NFIB: variants seen among roughly 807,000 people sequenced by gnomAD.
NFIB encodes nuclear factor I B.
A neutral mutation model predicts 61.5 loss-of-function variants in NFIB; 11 were observed. The ratio of observed to expected loss-of-function variants is 0.18; its 90% CI spans 0.11 to 0.30. NFIB has a LOEUF of 0.30. Among genes scored for constraint, NFIB ranks in the 10% least tolerant of loss-of-function variants. NFIB has a pLI of 1.00. For missense variants in NFIB, 471 were observed against 608.9 expected, an observed-to-expected ratio of 0.77 and a Z score of 2.38; for synonymous variants, 260 against 216.5, an observed-to-expected ratio of 1.20 and a Z score of -1.76.
chr9:14,529,859 G>A, the NFIB span, among the ~76,000 whole-genome samples: 10 of 151,998 alleles, frequency 6.6e-5, no homozygotes, highest in African/African-American at 2.2e-4. Flanking sequence ...GTACACACTC[G>A]GCATCTTCTC....
At chr9:14,341,572 G>A (rs1015312748) in intron 1 of NFIB, among the ~76,000 whole-genome samples, 1 of 152,172 alleles carries the variant, frequency 6.6e-6, no homozygotes, top group Non-Finnish European at 1.5e-5. Context: ...TGTCAGTGCC[G>A]CTCACTGGTT....
In NFIB at chr9:14,087,103, C is replaced by T. The variant is rs2032974396; in HGVS notation, c.*1206G>A. The T allele has an allele frequency of 4.9e-6, 1 of 202,776 alleles. No homozygotes were observed. Among genetic ancestry groups the T allele is most frequent in the Admixed American group, 6.0e-5 (1 of 16,668 alleles). The allele number at this position is 202,776 out of a possible 1,614,324, so 12.6% of individuals were successfully genotyped here. A position where few individuals can be genotyped will look rare whatever the true frequency, so the allele number is the denominator to read the frequency against. ...GCTTTACCCTTGTGACATGGATTTG[C>T]CTGCCTCTTTGTCTCTATAATGCAG... is the stretch of plus-strand genomic sequence containing the variant. On this transcript the variant is annotated 3_prime_UTR_variant, in exon 11 of 11. Coordinates refer to ENST00000380953, the MANE Select transcript of NFIB (RefSeq NM_001190737.2).
the NFIB span, among the ~76,000 whole-genome samples, chr9:14,413,252 T>C: frequency 6.6e-6 from 1 of 152,118 alleles, no homozygotes; most frequent in Non-Finnish European, 1.5e-5. Flanking sequence ...GCTTAAAAAA[T>C]GCACCATTTT....
intron 2 of NFIB, among the ~76,000 whole-genome samples, chr9:14,248,699 C>G (rs923073754): frequency 3.3e-5 from 5 of 152,164 alleles, no homozygotes; most frequent in African/African-American, 2.4e-5. Context: ...AGGCAGGAGA[C>G]TTAAGCATAG....
chr9:14,221,145 T>C (rs1431997327), intron 2 of NFIB, among the ~76,000 whole-genome samples: 1 of 152,068 alleles, frequency 6.6e-6, no homozygotes, highest in East Asian at 1.9e-4. Flanking sequence ...AAATTCAACA[T>C]CCTCTCCCTT....
the NFIB span, among the ~76,000 whole-genome samples, chr9:14,410,128 C>T: frequency 6.7e-6 from 1 of 148,230 alleles, no homozygotes; most frequent in Non-Finnish European, 1.5e-5. Context: ...AGCCATGCAT[C>T]AAAATACAGT....
chr9:14,162,836 A>G (rs1328497227), intron 3 of NFIB, among the ~76,000 whole-genome samples: 4 of 152,072 alleles, frequency 2.6e-5, no homozygotes, highest in Non-Finnish European at 5.9e-5. Context: ...TTATAAATTT[A>G]TTAGCACCGT....
the NFIB span, among the ~76,000 whole-genome samples, chr9:14,495,761 A>C: frequency 6.6e-6 from 1 of 152,164 alleles, no homozygotes; most frequent in African/African-American, 2.4e-5. Flanking sequence ...TCTAGACCAG[A>C]ATTATATTTA....
chr9:14,401,696 T>C (rs769773389), upstream of NFIB, among the ~76,000 whole-genome samples: 1 of 152,194 alleles, frequency 6.6e-6, no homozygotes, highest in Non-Finnish European at 1.5e-5. Context: ...AAATAAGCAG[T>C]GATGCTGAGT....
chr9:14,412,866 G>T, the NFIB span, among the ~76,000 whole-genome samples: 1 of 152,114 alleles, frequency 6.6e-6, no homozygotes, highest in Non-Finnish European at 1.5e-5. Context: ...TTCAGAGGAG[G>T]CTAAAAGTTC....
chr9:14,204,307 G>A, intron 2 of NFIB: 1 of 710,998 alleles, frequency 1.4e-6, no homozygotes, highest in South Asian at 1.5e-5. Flanking sequence ...CTGTCTTGAA[G>A]AAGCAGGAGG....
the NFIB span, among the ~76,000 whole-genome samples, chr9:14,483,585 G>C: frequency 6.6e-6 from 1 of 152,166 alleles, no homozygotes; most frequent in Non-Finnish European, 1.5e-5. Context: ...ACCTCTCTGA[G>C]CTTTGGTAAA....
chr9:14,402,049 A>G (rs1453920557), upstream of NFIB, among the ~76,000 whole-genome samples: 1 of 152,242 alleles, frequency 6.6e-6, no homozygotes, highest in Non-Finnish European at 1.5e-5. Flanking sequence ...TTTACAAGGC[A>G]TATGGAAAAA....
the NFIB span, among the ~76,000 whole-genome samples, chr9:14,445,934 T>TG: frequency 6.6e-6 from 1 of 152,326 alleles, no homozygotes; most frequent in African/African-American, 2.4e-5. Context: ...TAGAGAGTTT[T>TG]CTGGTAACAC....
the NFIB span, among the ~76,000 whole-genome samples, chr9:14,479,476 C>G: frequency 6.6e-6 from 1 of 152,140 alleles, no homozygotes; most frequent in Non-Finnish European, 1.5e-5. Context: ...ATGTCCCCAG[C>G]CCTGAGGCTT....
At chr9:14,158,934 T>A (rs1269696650) in intron 3 of NFIB, among the ~76,000 whole-genome samples, 1 of 152,246 alleles carries the variant, frequency 6.6e-6, no homozygotes, top group Non-Finnish European at 1.5e-5. Flanking sequence ...GTGATGAACA[T>A]TTCAATGTAT....
chr9:14,234,220 A>C (rs1238616472), intron 2 of NFIB, among the ~76,000 whole-genome samples: 1 of 152,200 alleles, frequency 6.6e-6, no homozygotes, highest in East Asian at 1.9e-4. Flanking sequence ...AGCATCAAAA[A>C]CCAGATCACA....
chr9:14,465,426 A>C, the NFIB span, among the ~76,000 whole-genome samples: 1 of 152,186 alleles, frequency 6.6e-6, no homozygotes, highest in Non-Finnish European at 1.5e-5. Context: ...CTGTTTGACT[A>C]ATCAGAAGGA....
chr9:14,398,151 A>G (rs1300595114), intron 1 of NFIB, among the ~76,000 whole-genome samples: 1 of 152,176 alleles, frequency 6.6e-6, no homozygotes, highest in African/African-American at 2.4e-5. Context: ...AAACAAAGAA[A>G]GATACTTATC....
Sources: allele counts gnomAD v4.1 joint callset (sites outside exome capture counted in the v4.1 genomes callset), GRCh38; gene constraint gnomAD v4.1.1; transcripts MANE v1.5; gene names NCBI Gene and HGNC (gene_info 2026-07-23, HGNC 2026-07-21).